Variants in TRPM3 observed in about 807,000 individuals in gnomAD.
TRPM3 encodes long transient receptor potential channel 3.
In TRPM3, 77 loss-of-function variants were observed where a neutral mutation model predicts 181.2. The ratio of observed to expected loss-of-function variants is 0.42; its 90% CI spans 0.35 to 0.51. The LOEUF (loss-of-function observed/expected upper bound fraction) is 0.51, where lower values mean the gene tolerates loss of function less well. TRPM3 is among the 20% of genes least tolerant of loss of function. TRPM3 has a pLI of 0.01. For synonymous variants in TRPM3, 745 were observed against 796.4 expected, an observed-to-expected ratio of 0.94 and a Z score of 1.09; for missense variants, 1,759 against 2,196.7, an observed-to-expected ratio of 0.80 and a Z score of 3.98.
intron 1 of TRPM3, among the ~76,000 whole-genome samples, chr9:70,921,976 T>TACACACACAC (rs2096662072): frequency 8.4e-6 from 1 of 119,274 alleles, no homozygotes; most frequent in African/African-American, 4.0e-5. Context: ...CACACACACA[T>TACACACACAC]ATAGTTATTT....
At chr9:70,660,603 T>C (rs2060988617) in intron 9 of TRPM3, among the ~76,000 whole-genome samples, 1 of 152,122 alleles carries the variant, frequency 6.6e-6, no homozygotes, top group South Asian at 2.1e-4. Flanking sequence ...ATAAACTTTC[T>C]AAATTAGCTG....
chr9:70,909,205 A>G (rs960635436), intron 1 of TRPM3, among the ~76,000 whole-genome samples: 4 of 152,226 alleles, frequency 2.6e-5, no homozygotes, highest in Non-Finnish European at 5.9e-5. Flanking sequence ...AGGACATAGA[A>G]AGCCATCTAA....
intron 1 of TRPM3, among the ~76,000 whole-genome samples, chr9:70,922,800 G>A (rs1041320557): frequency 3.9e-5 from 6 of 152,070 alleles, no homozygotes; most frequent in Non-Finnish European, 5.9e-5. Flanking sequence ...TCTCAGTCTC[G>A]TTTTCTTTCC....
intron 1 of TRPM3, among the ~76,000 whole-genome samples, chr9:71,428,639 C>A (rs1323874421): frequency 1.3e-5 from 2 of 152,114 alleles, no homozygotes; most frequent in Non-Finnish European, 2.9e-5. Flanking sequence ...CAAATGTAAT[C>A]TAAAACTACT....
intron 1 of TRPM3, among the ~76,000 whole-genome samples, chr9:71,331,149 T>A (rs1004551333): frequency 1.3e-5 from 2 of 151,900 alleles, no homozygotes; most frequent in Admixed American, 6.6e-5. Flanking sequence ...TAATCATAAA[T>A]GTGTGTTAAT....
intron 1 of TRPM3, among the ~76,000 whole-genome samples, chr9:71,437,863 G>A (rs1478198888): frequency 1.8e-4 from 8 of 45,064 alleles, no homozygotes; most frequent in East Asian, 3.5e-4. Context: ...GCGAAACTCC[G>A]GAAAAAAAAA....
intron 1 of TRPM3, among the ~76,000 whole-genome samples, chr9:71,287,496 G>A (rs1408263352): frequency 6.6e-6 from 1 of 152,044 alleles, no homozygotes; most frequent in African/African-American, 2.4e-5. Context: ...TAAATGCTGA[G>A]CAACTTCAGG....
At chr9:70,831,744 GA>G (rs576354044) in intron 5 of TRPM3, among the ~76,000 whole-genome samples, 30 of 147,034 alleles carry the variant, frequency 2.0e-4, no homozygotes, top group Middle Eastern at 3.4e-3. Context: ...ATGATGGGTA[GA>G]AAAAAAAATA....
chr9:70,698,787 G>C (rs1442182585), intron 8 of TRPM3, among the ~76,000 whole-genome samples: 1 of 152,068 alleles, frequency 6.6e-6, no homozygotes, highest in African/African-American at 2.4e-5. Context: ...TTGTTTAAAA[G>C]TGTGTGGCAC....
At chr9:71,229,509 C>CA (rs1430477893) in intron 1 of TRPM3, among the ~76,000 whole-genome samples, 5 of 152,088 alleles carry the variant, frequency 3.3e-5, no homozygotes, top group Non-Finnish European at 7.4e-5. Flanking sequence ...AAATAATCCA[C>CA]AAAATGAAGA....
At chr9:70,804,390 G>C (rs575316792) in intron 6 of TRPM3, among the ~76,000 whole-genome samples, 4 of 152,158 alleles carry the variant, frequency 2.6e-5, no homozygotes, top group African/African-American at 9.7e-5. Flanking sequence ...GATATACTAT[G>C]TAAGTAGACT....
chr9:70,829,769 T>C (rs1467193040), intron 5 of TRPM3, among the ~76,000 whole-genome samples: 3 of 152,156 alleles, frequency 2.0e-5, no homozygotes, highest in Admixed American at 2.0e-4. Context: ...GATGATTGCG[T>C]AAGAGTCCCC....
intron 1 of TRPM3, among the ~76,000 whole-genome samples, chr9:71,412,630 A>T (rs951129583): frequency 1.3e-5 from 2 of 152,144 alleles, no homozygotes; most frequent in Admixed American, 6.5e-5. Flanking sequence ...AGAAATAGGA[A>T]CACTTTTACA....
intron 1 of TRPM3, among the ~76,000 whole-genome samples, chr9:71,388,830 G>C (rs112876323): frequency 4.6e-5 from 7 of 152,244 alleles, no homozygotes; most frequent in African/African-American, 1.7e-4. Context: ...CCAGAGCCCA[G>C]GGATCAACAG....
At chr9:70,883,868 T>C (rs566622257) in intron 1 of TRPM3, among the ~76,000 whole-genome samples, 11 of 152,324 alleles carry the variant, frequency 7.2e-5, no homozygotes, top group Non-Finnish European at 1.3e-4. Flanking sequence ...AGGCAGGGTC[T>C]GGTGGCTTCT....
At chr9:70,824,677 C>G (rs899023040) in intron 6 of TRPM3, 1 of 152,170 alleles carries the variant, frequency 6.6e-6, no homozygotes, top group Non-Finnish European at 1.5e-5. Flanking sequence ...CCACCTGCCT[C>G]GGCCTCCCAA....
At chr9:70,700,056 C>T (rs1241576354) in intron 8 of TRPM3, among the ~76,000 whole-genome samples, 2 of 152,116 alleles carry the variant, frequency 1.3e-5, no homozygotes, top group Non-Finnish European at 2.9e-5. Context: ...GATCTTGGTT[C>T]ACTGCAGTCT....
chr9:70,552,766 T>G, intron 24 of TRPM3, 78 bp downstream of exon 24: 5 of 1,481,006 alleles, frequency 3.4e-6, no homozygotes, highest in Non-Finnish European at 3.8e-6. Context: ...TAGGTGGGCA[T>G]GCGATTCTGC....
intron 7 of TRPM3, among the ~76,000 whole-genome samples, chr9:70,763,208 A>G (rs754313103): frequency 2.0e-5 from 3 of 152,118 alleles, no homozygotes; most frequent in Non-Finnish European, 2.9e-5. Context: ...TATATTCTAT[A>G]TCAAGAATAT....
Sources: allele counts gnomAD v4.1 joint callset (sites outside exome capture counted in the v4.1 genomes callset), GRCh38; gene constraint gnomAD v4.1.1; transcripts MANE v1.5; gene names NCBI Gene and HGNC (gene_info 2026-07-23, HGNC 2026-07-21).